The following UPF1 variants were observed in gnomAD, a reference collection of about 807,000 sequenced individuals.
The protein encoded by UPF1 is UPF1 RNA helicase and ATPase, also known as regulator of nonsense transcripts 1.
A neutral mutation model predicts 129.2 loss-of-function variants in UPF1; 9 were observed. The ratio of observed to expected loss-of-function variants is 0.07; its 90% confidence interval spans 0.04 to 0.12. The LOEUF is 0.12. Ranked by LOEUF, UPF1 falls within the 10% of genes least tolerant of loss-of-function variation. UPF1 has a pLI of 1.00. For synonymous variants in UPF1, 649 were observed against 644.9 expected (o/e 1.01, Z -0.10); for missense variants, 788 against 1,525.3 (o/e 0.52, Z 8.05).
At chr19:18,844,386 C>T (rs377043391) in intron 1 of UPF1, among the ~76,000 whole-genome samples, 4 of 151,320 alleles carry the variant, frequency 2.6e-5, no homozygotes, top group African/African-American at 4.9e-5. Context: ...TGCAGTGGCA[C>T]GGTCTCAGCT....
Position 18,863,691 on chromosome 19 carries a change from C to T in UPF1, c.2775+79C>T, listed in dbSNP as rs977629969. 17 of 1,459,368 alleles carry T rather than the reference C, an allele frequency of 1.2e-5. No individual in the cohort carries two copies. In the African/African-American group the frequency reaches 1.9e-4, roughly 16 times the overall value. 90.4% of individuals were successfully genotyped at this position (1,459,368 alleles called of 1,614,324 possible). ...ACTGCTGGGAACGTGCCAGCTTGGCCCGTGTGCCCGTGAGCTGAGGGAGGG... is the reference window on the plus strand; with the variant it reads ...ACTGCTGGGAACGTGCCAGCTTGGCTCGTGTGCCCGTGAGCTGAGGGAGGG... On this transcript the variant is annotated intron_variant, in intron 19 of 23. Transcript: ENST00000262803.
intron 20 of UPF1, among the ~76,000 whole-genome samples, chr19:18,864,589 ATTTTC>A (rs927772659): frequency 4.0e-5 from 6 of 150,944 alleles, no homozygotes; most frequent in African/African-American, 1.5e-4. Context: ...ATTTTCATTT[ATTTTC>A]TTTTTTTTGT....
chr19:18,855,428 T>C, intron 11 of UPF1, 186 bp downstream of exon 11: 1 of 693,894 alleles, frequency 1.4e-6, no homozygotes, highest in Admixed American at 3.0e-5. Flanking sequence ...AGGATTGCAT[T>C]TTAGTAACCA....
At position 18,860,077 on chromosome 19, in the gene UPF1, T is replaced by G. The variant is rs1239338322; in HGVS notation, c.2183-244T>G. 23 of 503,590 alleles carry G rather than the reference T, an allele frequency of 4.6e-5. No individual in the cohort carries two copies. In the East Asian group the frequency reaches 7.8e-4, roughly 17 times the overall value. 31.2% of individuals were successfully genotyped at this position (503,590 alleles called of 1,614,324 possible). ...CCCTGGCTGAGACCCTGTTCCCTGT[T>G]CAGGGGCTGAGCCAGCTCTGTGCTG... On this transcript the variant is annotated intron_variant, in intron 15 of 23. Transcript: ENST00000262803.
intron 6 of UPF1, among the ~76,000 whole-genome samples, 169 bp from the exon 7 acceptor site, chr19:18,852,817 CT>C (rs1403789382): frequency 6.6e-6 from 1 of 152,142 alleles, no homozygotes; most frequent in Non-Finnish European, 1.5e-5. Flanking sequence ...AATGGCTTCT[CT>C]TTCAGATGTG....
Position 18,853,133 on chromosome 19 carries a change from C to T in UPF1, c.1057+62C>T, listed in dbSNP as rs1354022243. ...ATTTTAAGTTTTAAAATATTTGTGA[C>T]CATAAGTAGCATAAATTCCTAGTTC... On this transcript the variant is annotated intron_variant, in intron 7 of 23. Coordinates refer to ENST00000262803, the MANE Select transcript of UPF1 (RefSeq NM_002911.4). The surrounding 1 kb of genome is among the most constrained non-coding windows in gnomAD (Gnocchi z 4.4). 2.5e-6 allele frequency: 4 copies of T among 1,605,624 alleles called. No homozygotes were observed. Among genetic ancestry groups the T allele is most frequent in the Non-Finnish European group, 3.4e-6 (4 of 1,173,492 alleles).
At chr19:18,841,717 A>T (rs10420445) in intron 1 of UPF1, among the ~76,000 whole-genome samples, 14,637 of 152,124 alleles carry the variant, frequency 0.096, 821 homozygotes, top group African/African-American at 0.16. Context: ...TGTGGGCTCC[A>T]GGGAGAGTGG....
chr19:18,836,736 C>T (rs185490255), intron 1 of UPF1, among the ~76,000 whole-genome samples: 2 of 151,886 alleles, frequency 1.3e-5, no homozygotes, highest in African/African-American at 4.8e-5. Context: ...CAGGGAGATA[C>T]CACTATCCAC....
At chr19:18,864,349 T>C (rs2055815716) in intron 20 of UPF1, 98 bp downstream of exon 20, 2 of 1,158,970 alleles carry the variant, frequency 1.7e-6, no homozygotes. Context: ...CATCTTTCCT[T>C]CCCCTCAAGG....
chr19:18,844,302 G>C (rs577230806), intron 1 of UPF1, among the ~76,000 whole-genome samples: 14 of 150,164 alleles, frequency 9.3e-5, no homozygotes, highest in East Asian at 2.0e-4. Flanking sequence ...TGGGGGCCGG[G>C]GGGGGGTTTG....
chr19:18,832,173 G>T lies in UPF1; in HGVS notation c.-37G>T, dbSNP rs777272981. On this transcript the variant is annotated 5_prime_UTR_variant, in exon 1 of 24. Coordinates refer to ENST00000262803, the MANE Select transcript of UPF1 (RefSeq NM_002911.4). The surrounding 1 kb of genome is among the most constrained non-coding windows in gnomAD (Gnocchi z 5.6). ...CAGCGCGGCGGCGGGCTCGAGTGCA[G>T]CGCGGAACCGGCCCGAGGGCCCTAC... The T allele has an allele frequency of 4.0e-6, 6 of 1,504,354 alleles. No homozygotes were observed. Among genetic ancestry groups the T allele is most frequent in the Non-Finnish European group, 5.3e-6 (6 of 1,122,606 alleles). 93.2% of individuals were successfully genotyped at this position (1,504,354 alleles called of 1,614,324 possible).
At chr19:18,859,052 C>T (rs770646136) in intron 15 of UPF1, among the ~76,000 whole-genome samples, 4 of 152,182 alleles carry the variant, frequency 2.6e-5, no homozygotes, top group Non-Finnish European at 5.9e-5. Context: ...CTTTGCCTAG[C>T]GGTAGGTCTT....
In UPF1 at chr19:18,850,846, A is replaced by G. The variant is rs1288491879; in HGVS notation, c.788A>G (p.Asn263Ser). 1.3e-6 allele frequency: 2 copies of G among 1,596,892 alleles called. No homozygotes were observed. Among genetic ancestry groups the G allele is most frequent in the South Asian group, 2.2e-5 (2 of 88,922 alleles). ...CGCCAGATCACGGCACAGCAGATCA[A>G]CAAGCTGGAGGAGCTGTGGAAGGTG... is the stretch of plus-strand genomic sequence containing the variant. ...RARQITAQQI[N>S]KLEELWKENP... is the part of the protein sequence containing the mutation. Residue 263 changes from asparagine (N) to serine (S), a missense_variant, in exon 5 of 24, where the codon AAC becomes AGC. Physicochemically the swap from Asn to Ser is conservative, Grantham distance 46. Around this residue, in one of 6 missense-constraint regions of UPF1, gnomAD observed 227 missense variants for 517.9 expected, o/e 0.44. Transcript: ENST00000262803. The surrounding 1 kb of genome is among the most constrained non-coding windows in gnomAD (Gnocchi z 7.1).
At chr19:18,861,914 T>C in intron 17 of UPF1, 96 bp from the exon 18 acceptor site, 1 of 1,489,782 alleles carries the variant, frequency 6.7e-7, no homozygotes, top group African/African-American at 1.4e-5. Context: ...AGCTCCCGGG[T>C]GGGATTTGAG....
At chr19:18,836,577 G>C (rs958281962) in intron 1 of UPF1, among the ~76,000 whole-genome samples, 2 of 152,130 alleles carry the variant, frequency 1.3e-5, no homozygotes, top group Non-Finnish European at 2.9e-5. Flanking sequence ...GGAAACTTGG[G>C]GGTAATGGAC....
In UPF1 at chr19:18,856,251, A is replaced by G; in HGVS notation, c.1775A>G (p.Glu592Gly). 6.2e-7 allele frequency: 1 copy of G among 1,610,064 alleles called. No homozygotes were observed. The highest frequency in any genetic ancestry group is 8.5e-7 in the Non-Finnish European group (1 of 1,176,770). Residue 592 changes from glutamate (E) to glycine (G), a missense_variant, in exon 13 of 24, where the codon GAG becomes GGG. Coordinates refer to ENST00000262803, the MANE Select transcript of UPF1 (RefSeq NM_002911.4). Reference protein sequence around the residue: ...DETGELSSADEKRYRALKRTA... With the variant: ...DETGELSSADGKRYRALKRTA... The stretch of plus-strand genomic sequence containing the variant: ...ACTGGGGAGCTGTCGTCTGCCGACG[A>G]GAAGCGGTACCGGGCCTTGAAGCGC...
At chr19:18,847,115 C>G (rs1238421593) in intron 2 of UPF1, among the ~76,000 whole-genome samples, 6 of 152,260 alleles carry the variant, frequency 3.9e-5, no homozygotes, top group Admixed American at 3.9e-4. Context: ...GGCAGGCACT[C>G]TTTCCTGCAT....
chr19:18,864,323 C>A, intron 20 of UPF1, 72 bp downstream of exon 20: 3 of 1,399,532 alleles, frequency 2.1e-6, no homozygotes, highest in Admixed American at 3.6e-5. Flanking sequence ...CCCATGGCTG[C>A]AGCTTTAGGT....
At chr19:18,847,642 A>G (rs1161757704) in intron 2 of UPF1, 102 bp from the exon 3 acceptor site, 2 of 1,104,026 alleles carry the variant, frequency 1.8e-6, no homozygotes, top group Non-Finnish European at 2.7e-6. Context: ...GTGTTTAATG[A>G]AGAACTTAAA....
Sources: gnomAD v4.1 joint callset for allele counts (sites outside exome capture counted in the v4.1 genomes callset) on GRCh38, gnomAD v4.1.1 for gene constraint, gnomAD v4.1.1 regional missense constraint, Gnocchi (gnomAD v3.1) non-coding constraint, MANE v1.5 for transcripts, NCBI Gene and HGNC (gene_info 2026-07-23, HGNC 2026-07-21) for gene names.